DSC2: variants seen among roughly 807,000 people sequenced by gnomAD.
The protein encoded by DSC2 is desmocollin 2.
In DSC2, 51 loss-of-function variants were observed where a neutral mutation model predicts 87.6. The observed-to-expected ratio is 0.58, with a 90% CI of 0.46 to 0.74. The LOEUF (loss-of-function observed/expected upper bound fraction) is 0.74. DSC2 is among the 30% of genes least tolerant of loss of function. The probability of loss-of-function intolerance (pLI) is 0.00; values close to 1 mark genes in which losing one functional copy is unlikely to be tolerated. For missense variants in DSC2, 1,066 were observed against 1,089.5 expected, an observed-to-expected ratio of 0.98 and a Z score of 0.30; for synonymous variants, 383 against 393.2, an observed-to-expected ratio of 0.97 and a Z score of 0.31.
Position 31,091,030 on chromosome 18 carries a change from G to A in DSC2, c.472C>T (p.Gln158Ter), listed in dbSNP as rs1321557140. Reference protein sequence around the residue: ...SLGPFPLFLQQVQSDTAQNYT... With the variant: ...SLGPFPLFLQ ...AGCAGAAAGAAAGAAAACGGTACCT[G>A]TTGAAGGAAAAGTGGAAAAGGACCC... The change falls in exon 4 of 16, where the codon CAG becomes TAG. Residue 158 changes from glutamine (Q) to a stop codon, truncating the protein, a stop_gained and splice_region_variant. Coordinates refer to ENST00000280904, the MANE Select transcript of DSC2 (RefSeq NM_024422.6). LOFTEE classifies it high-confidence loss of function. 6.2e-7 allele frequency: 1 copy of A among 1,613,980 alleles called. No individual in the cohort carries two copies. The highest frequency in any genetic ancestry group is 1.1e-5 in the South Asian group (1 of 91,082).
In DSC2 at chr18:31,082,370, A is replaced by G. The variant is rs772815380; in HGVS notation, c.1131T>C (p.Thr377=). ...NTVDVEILRV[T]VEDKDLVNTA... is the part of the protein sequence containing the mutation. ...TATTCACTAAGTCCTTATCCTCAACAGTAACTCGTAAGATTTCCACATCAA... is the reference window on the plus strand; with the variant it reads ...TATTCACTAAGTCCTTATCCTCAACGGTAACTCGTAAGATTTCCACATCAA... The change falls in exon 9 of 16, where the codon ACT becomes ACC. Residue 377 remains threonine, a synonymous_variant. Transcript: ENST00000280904. 6.2e-7 allele frequency: 1 copy of G among 1,613,900 alleles called. No homozygotes were observed. The highest frequency in any genetic ancestry group is 1.1e-5 in the South Asian group (1 of 91,082).
At chr18:31,087,337 T>C (rs1987432648) in intron 6 of DSC2, among the ~76,000 whole-genome samples, 1 of 152,216 alleles carries the variant, frequency 6.6e-6, no homozygotes, top group Non-Finnish European at 1.5e-5. Context: ...CTATGTTCTC[T>C]TACATCCATC....
Position 31,091,081 on chromosome 18 carries a change from G to C in DSC2, c.421C>G (p.Pro141Ala). ...RRAKRRWAPI[P>A]CSMLENSLGP... is the part of the protein sequence containing the mutation. ...AAGGAGTTTTCTAGCATCGAACAAG[G>C]AATTGGAGCCCATCTTCTCTTGGCG... Residue 141 changes from proline to alanine, a missense_variant, in exon 4 of 16, where the codon CCT becomes GCT. Physicochemically the swap from Pro to Ala is conservative, Grantham distance 27. Transcript: ENST00000280904. 6.2e-7 allele frequency: 1 copy of C among 1,614,032 alleles called. No individual in the cohort carries two copies. The highest frequency in any genetic ancestry group is 8.5e-7 in the Non-Finnish European group (1 of 1,179,950).
At chr18:31,083,274 C>T (rs1236693170) in intron 7 of DSC2, among the ~76,000 whole-genome samples, 1 of 152,096 alleles carries the variant, frequency 6.6e-6, no homozygotes, top group Non-Finnish European at 1.5e-5. Flanking sequence ...CGCTCTGTTG[C>T]CCAGGCTGGA....
intron 8 of DSC2, 132 bp downstream of exon 8, chr18:31,082,794 G>T: frequency 1.0e-6 from 1 of 992,560 alleles, no homozygotes; most frequent in Non-Finnish European, 1.5e-6. Flanking sequence ...CTGACCTCAG[G>T]TGATCCGCCC....
At chr18:31,077,398 C>G (rs1443828510) in intron 11 of DSC2, among the ~76,000 whole-genome samples, 2 of 152,202 alleles carry the variant, frequency 1.3e-5, no homozygotes, top group Non-Finnish European at 2.9e-5. Flanking sequence ...GAGCACATGC[C>G]TTACCTATTG....
chr18:31,069,269 T>C, intron 14 of DSC2, 118 bp from the exon 15 acceptor site: 1 of 1,286,586 alleles, frequency 7.8e-7, no homozygotes, highest in Non-Finnish European at 1.1e-6. Context: ...GTAAGCTCTC[T>C]GAGAGCAGGA....
At chr18:31,089,071 G>T (rs543464820) in intron 5 of DSC2, among the ~76,000 whole-genome samples, 2 of 151,350 alleles carry the variant, frequency 1.3e-5, no homozygotes, top group Non-Finnish European at 2.9e-5. Flanking sequence ...AGGCTAAGGT[G>T]GGAGGATCAC....
In DSC2 at chr18:31,067,672, G is replaced by A. The variant is rs1252323561; in HGVS notation, c.*343C>T. 1.2e-5 allele frequency: 3 copies of A among 245,276 alleles called. No individual in the cohort carries two copies. The highest frequency in any genetic ancestry group is 7.0e-5 in the African/African-American group (3 of 42,954). The allele number at this position is 245,276 out of a possible 1,614,324, so 15.2% of individuals were successfully genotyped here. On this transcript the variant is annotated 3_prime_UTR_variant, in exon 16 of 16. Transcript: ENST00000280904. ...TCTCTACAATTTTCCATTAGGTTGTGCTTCAAATAGTCTATAATAAGGACT... is the reference window on the plus strand; with the variant it reads ...TCTCTACAATTTTCCATTAGGTTGTACTTCAAATAGTCTATAATAAGGACT...
intron 9 of DSC2, 69 bp from the exon 10 acceptor site, chr18:31,080,421 A>G: frequency 6.5e-7 from 1 of 1,549,916 alleles, no homozygotes. Context: ...ACGAGTATAT[A>G]TAATGTTAAA....
intron 3 of DSC2, 74 bp downstream of exon 3, chr18:31,092,027 T>C: frequency 6.8e-7 from 1 of 1,476,854 alleles, no homozygotes; most frequent in East Asian, 2.3e-5. Flanking sequence ...CTTTCTGATT[T>C]CATATCTTCC....
Sources: allele counts gnomAD v4.1 joint callset (sites outside exome capture counted in the v4.1 genomes callset), GRCh38; gene constraint gnomAD v4.1.1; transcripts MANE v1.5; gene names NCBI Gene and HGNC (gene_info 2026-07-23, HGNC 2026-07-21).